The following UBXN2A variants were observed in gnomAD, a reference collection of about 807,000 sequenced individuals.
UBXN2A encodes UBX domain-containing protein 2A.
In UBXN2A, 28 loss-of-function variants were observed where a neutral mutation model predicts 28.4. The observed-to-expected ratio is 0.99, with a 90% confidence interval of 0.73 to 1.35. UBXN2A has a LOEUF of 1.35. Ranked by LOEUF, UBXN2A falls within the 40% of genes most tolerant of loss-of-function variation. The pLI, the probability that UBXN2A is intolerant of heterozygous loss-of-function variation, is 0.00. For synonymous variants in UBXN2A, 97 were observed against 103.6 expected, an observed-to-expected ratio of 0.94 and a Z score of 0.39; for missense variants, 253 against 297.9, an observed-to-expected ratio of 0.85 and a Z score of 1.11.
intron 4 of UBXN2A, among the ~76,000 whole-genome samples, chr2:23,982,132 G>A (rs938634978): frequency 6.6e-6 from 1 of 151,896 alleles, no homozygotes; most frequent in South Asian, 2.1e-4. Flanking sequence ...GGCTGAGGCG[G>A]GCAGAACACA....
chr2:23,995,381 G>A (rs1295153085), intron 6 of UBXN2A, among the ~76,000 whole-genome samples: 1 of 152,018 alleles, frequency 6.6e-6, no homozygotes, highest in Non-Finnish European at 1.5e-5. Context: ...ATGTTTAGAC[G>A]CTCCTTGACT....
intron 6 of UBXN2A, among the ~76,000 whole-genome samples, chr2:23,993,595 C>T (rs1708428036): frequency 6.6e-6 from 1 of 151,996 alleles, no homozygotes; most frequent in South Asian, 2.1e-4. Flanking sequence ...ACAATATTCA[C>T]TTATATATCA....
chr2:23,993,691 AT>A lies in UBXN2A; in HGVS notation c.585-5967del, dbSNP rs537302592. Among the ~76,000 whole-genome samples, 646 of 134,426 alleles carry A rather than the reference AT, an allele frequency of 4.8e-3. 2 individuals are homozygous for A. The highest frequency in any genetic ancestry group is 0.014 in the African/African-American group (529 of 37,414). 88.2% of individuals were successfully genotyped at this position (134,426 alleles called of 152,430 possible). A position where few individuals can be genotyped will look rare whatever the true frequency, so the allele number is the denominator to read the frequency against. ...TCTCTTAAATTTTTTTAATTTTTTA[AT>A]TTTTTTTTTTTTTCAAGACAGAGTC... On this transcript the variant is annotated intron_variant, in intron 6 of 6. Transcript: ENST00000309033.
At chr2:23,966,903 G>T (rs1707204917) in intron 2 of UBXN2A, among the ~76,000 whole-genome samples, 1 of 151,666 alleles carries the variant, frequency 6.6e-6, no homozygotes. Context: ...GGCTACAGGT[G>T]TGCACCACCA....
At chr2:23,960,860 C>T (rs1244066867) in intron 2 of UBXN2A, among the ~76,000 whole-genome samples, 1 of 152,162 alleles carries the variant, frequency 6.6e-6, no homozygotes, top group African/African-American at 2.4e-5. Context: ...GTCTCAAACT[C>T]CTAACCTCAG....
chr2:23,962,965 A>G (rs1707000356), intron 2 of UBXN2A, among the ~76,000 whole-genome samples: 1 of 152,206 alleles, frequency 6.6e-6, no homozygotes, highest in African/African-American at 2.4e-5. Context: ...CCTCACAATC[A>G]TGGCAGAAGG....
At chr2:23,932,744 T>G (rs535434934) in intron 1 of UBXN2A, among the ~76,000 whole-genome samples, 37 of 152,320 alleles carry the variant, frequency 2.4e-4, no homozygotes, top group Admixed American at 9.8e-4. Flanking sequence ...AGAATATACC[T>G]TCAACAGAAA....
At position 24,000,991 on chromosome 2, in the gene UBXN2A, T is replaced by C. The variant is rs1708714925; in HGVS notation, c.*1124T>C. 1 of 152,158 alleles carries C rather than the reference T, an allele frequency of 6.6e-6. No homozygotes were observed. Among genetic ancestry groups the C allele is most frequent in the Non-Finnish European group, 1.5e-5 (1 of 68,058 alleles). 9.4% of individuals were successfully genotyped at this position (152,158 alleles called of 1,614,324 possible). ...GCATCATATAAAGTATGGTTTTCTG[T>C]TTCTTTTTCGTTTGTTTGAGATGGA... On this transcript the variant is annotated 3_prime_UTR_variant, in exon 7 of 7. Coordinates refer to ENST00000309033, the MANE Select transcript of UBXN2A (RefSeq NM_181713.4).
chr2:23,959,672 A>C (rs995068770), intron 2 of UBXN2A, among the ~76,000 whole-genome samples: 3 of 152,168 alleles, frequency 2.0e-5, no homozygotes, highest in Non-Finnish European at 2.9e-5. Context: ...GAAAAAGTAC[A>C]TAGGGAAAAC....
intron 3 of UBXN2A, among the ~76,000 whole-genome samples, chr2:23,972,737 G>A (rs1261501098): frequency 3.9e-5 from 6 of 152,066 alleles, no homozygotes; most frequent in South Asian, 4.1e-4. Flanking sequence ...CAGGAGAATC[G>A]CGTGAACCTG....
intron 1 of UBXN2A, among the ~76,000 whole-genome samples, chr2:23,951,580 C>T (rs1238687608): frequency 1.3e-5 from 2 of 151,766 alleles, no homozygotes; most frequent in African/African-American, 2.4e-5. Context: ...CCTGCCTCAG[C>T]CTCTGGAGTA....
chr2:23,969,865 A>G (rs943716078), intron 2 of UBXN2A, among the ~76,000 whole-genome samples: 1 of 152,212 alleles, frequency 6.6e-6, no homozygotes, highest in Admixed American at 6.5e-5. Flanking sequence ...TCAGTGGGAA[A>G]TATTCTGAAG....
At chr2:23,971,688 C>G (rs941081750) in intron 3 of UBXN2A, among the ~76,000 whole-genome samples, 2 of 150,930 alleles carry the variant, frequency 1.3e-5, no homozygotes, top group African/African-American at 2.4e-5. Flanking sequence ...CGGGGTCTTG[C>G]TTTGTTGCCC....
At chr2:23,971,171 G>T (rs1707399118) in intron 2 of UBXN2A, 105 bp from the exon 3 acceptor site, 2 of 1,263,842 alleles carry the variant, frequency 1.6e-6, no homozygotes, top group African/African-American at 1.5e-5. Flanking sequence ...CTGAACTACA[G>T]ACATGCACGT....
At chr2:23,965,873 G>T (rs925012748) in intron 2 of UBXN2A, among the ~76,000 whole-genome samples, 5 of 152,106 alleles carry the variant, frequency 3.3e-5, no homozygotes, top group African/African-American at 1.2e-4. Context: ...ATATATTATT[G>T]ATTTAATTCC....
chr2:23,957,304 GCTAA>G (rs1706674577), intron 1 of UBXN2A, among the ~76,000 whole-genome samples: 1 of 151,484 alleles, frequency 6.6e-6, no homozygotes, highest in Non-Finnish European at 1.5e-5. Flanking sequence ...ATAATGCCTG[GCTAA>G]CTTTTTTTTT....
At chr2:23,957,287 G>A (rs1706673213) in intron 1 of UBXN2A, among the ~76,000 whole-genome samples, 1 of 151,676 alleles carries the variant, frequency 6.6e-6, no homozygotes, top group African/African-American at 2.4e-5. Flanking sequence ...AACCACAGAG[G>A]TGCACCATAA....
rs1379234024 is a variant in UBXN2A, at chr2:23,966,155, T to G, written c.42-5121T>G. ...ATTGTAGTTATTTTCTTTTTTTTTT[T>G]TAAAGACAGAATCTCTCTTTGTCGC... On this transcript the variant is annotated intron_variant, in intron 2 of 6. Transcript: ENST00000309033. Among the ~76,000 whole-genome samples the G allele has an allele frequency of 3.9e-5, 6 of 152,144 alleles. No homozygotes were observed. In the East Asian group the frequency reaches 7.7e-4, roughly 20 times the overall value.
chr2:23,992,702 T>C (rs1405052414), intron 6 of UBXN2A, among the ~76,000 whole-genome samples: 1 of 152,248 alleles, frequency 6.6e-6, no homozygotes, highest in Non-Finnish European at 1.5e-5. Context: ...TTTTTAGCAC[T>C]GTCACATGTC....
Sources: gnomAD v4.1 joint callset for allele counts (sites outside exome capture counted in the v4.1 genomes callset) on GRCh38, gnomAD v4.1.1 for gene constraint, MANE v1.5 for transcripts, NCBI Gene and HGNC (gene_info 2026-07-23, HGNC 2026-07-21) for gene names.